CADM2: variants seen among roughly 807,000 people sequenced by gnomAD.
The protein encoded by CADM2 is immunoglobulin superfamily member 4D.
Under a neutral mutation model 49.8 loss-of-function variants are expected in CADM2, and 12 were observed. The observed-to-expected ratio is 0.24, with a 90% CI of 0.15 to 0.39. The LOEUF is 0.39. Ranked by LOEUF, CADM2 falls within the 10% of genes least tolerant of loss-of-function variation. The pLI is 1.00. For synonymous variants in CADM2, 214 were observed against 175.4 expected, an observed-to-expected ratio of 1.22 and a Z score of -1.74; for missense variants, 378 against 492.3, an observed-to-expected ratio of 0.77 and a Z score of 2.20.
intron 1 of CADM2, among the ~76,000 whole-genome samples, chr3:85,340,081 G>A (rs1188781242): frequency 6.6e-6 from 1 of 151,304 alleles, no homozygotes; most frequent in Non-Finnish European, 1.5e-5. Context: ...TGAAAAGCAT[G>A]TGAATATTTT....
In CADM2 at chr3:85,742,398, T is replaced by G. The variant is rs143440890; in HGVS notation, c.88+15850T>G. Among the ~76,000 whole-genome samples the G allele has an allele frequency of 7.9e-4, 120 of 152,330 alleles. 1 individual carries two copies. The highest frequency in any genetic ancestry group is 2.8e-3 in the African/African-American group (118 of 41,578). Reference sequence around the variant, plus strand: ...TAAAGACATATTCTAAATAGGTCACTCACTGTCATGATCTGGTTGTGTCTG... The same window carrying G: ...TAAAGACATATTCTAAATAGGTCACGCACTGTCATGATCTGGTTGTGTCTG... On this transcript the variant is annotated intron_variant, in intron 2 of 9. Coordinates refer to ENST00000383699, the MANE Select transcript of CADM2 (RefSeq NM_001167675.2).
rs145473940 is a variant in CADM2, at chr3:85,750,664, A to G, written c.88+24116A>G. On this transcript the variant is annotated intron_variant, in intron 2 of 9. Transcript: ENST00000383699. ...TCTTTAGTGGGGCATTTTTATTAAA[A>G]TGAGTAAGAAATATATCAAGTGCCA... is the stretch of plus-strand genomic sequence containing the variant. Among the ~76,000 whole-genome samples, 521 of 152,246 alleles carry G rather than the reference A, an allele frequency of 3.4e-3. 1 individual carries two copies. The highest frequency in any genetic ancestry group is 0.01 in the Middle Eastern group (3 of 294).
At chr3:85,629,820 C>G (rs2064250948) in intron 1 of CADM2, among the ~76,000 whole-genome samples, 1 of 151,962 alleles carries the variant, frequency 6.6e-6, no homozygotes, top group Admixed American at 6.6e-5. Context: ...ACAAAATTGA[C>G]TAGAAATGAG....
At chr3:85,289,958 C>A (rs377636295) in intron 1 of CADM2, among the ~76,000 whole-genome samples, 1 of 152,146 alleles carries the variant, frequency 6.6e-6, no homozygotes, top group Non-Finnish European at 1.5e-5. Flanking sequence ...TGAATAGGAA[C>A]AGCTCCAGTC....
chr3:85,059,163 C>T (rs560769142), intron 1 of CADM2, among the ~76,000 whole-genome samples: 362 of 151,746 alleles, frequency 2.4e-3, no homozygotes, highest in African/African-American at 7.5e-3. Context: ...GGCGTGAACC[C>T]GGGAGGTGGA....
intron 1 of CADM2, among the ~76,000 whole-genome samples, chr3:85,154,877 A>G (rs1446327458): frequency 6.6e-6 from 1 of 151,458 alleles, no homozygotes; most frequent in Non-Finnish European, 1.5e-5. Context: ...TACTTTACAG[A>G]CAAGCAAATG....
chr3:86,032,160 C>T (rs1457612521), intron 8 of CADM2, among the ~76,000 whole-genome samples: 1 of 150,796 alleles, frequency 6.6e-6, no homozygotes, highest in Non-Finnish European at 1.5e-5. Flanking sequence ...CATATAGACT[C>T]TTATCACAGT....
intron 1 of CADM2, among the ~76,000 whole-genome samples, chr3:85,045,630 C>T (rs142734147): frequency 4.2e-5 from 6 of 143,698 alleles, no homozygotes; most frequent in Non-Finnish European, 7.7e-5. Context: ...ACTATGCATG[C>T]GTGAGGAGAA....
At chr3:85,299,798 C>T (rs2106982248) in intron 1 of CADM2, among the ~76,000 whole-genome samples, 1 of 152,082 alleles carries the variant, frequency 6.6e-6, no homozygotes, top group Non-Finnish European at 1.5e-5. Flanking sequence ...ATGCAGGGAA[C>T]TCAGATTGTT....
At chr3:85,236,066 AT>A (rs1559736086) in intron 1 of CADM2, among the ~76,000 whole-genome samples, 1 of 151,776 alleles carries the variant, frequency 6.6e-6, no homozygotes, top group Non-Finnish European at 1.5e-5. Flanking sequence ...CCGCCTCACA[AT>A]TTTTTCCTGG....
At position 86,070,522 on chromosome 3, in the gene CADM2, C is replaced by A. The variant is rs1440008237; in HGVS notation, c.*3739C>A. 2 of 151,782 alleles carry A rather than the reference C, an allele frequency of 1.3e-5. No homozygotes were observed. Among genetic ancestry groups the A allele is most frequent in the Non-Finnish European group, 2.9e-5 (2 of 67,824 alleles). 9.4% of individuals were successfully genotyped at this position (151,782 alleles called of 1,614,324 possible). A position where few individuals can be genotyped will look rare whatever the true frequency, so the allele number is the denominator to read the frequency against. Reference sequence around the variant, plus strand: ...TTTTAATTGTGGAGAAAATGCAAAACCTCATGTCTTACCACAACTTTCCCA... The same window carrying A: ...TTTTAATTGTGGAGAAAATGCAAAAACTCATGTCTTACCACAACTTTCCCA... On this transcript the variant is annotated 3_prime_UTR_variant, in exon 10 of 10. Coordinates refer to ENST00000383699, the MANE Select transcript of CADM2 (RefSeq NM_001167675.2).
At chr3:85,559,084 A>C (rs1312467053) in intron 1 of CADM2, among the ~76,000 whole-genome samples, 2 of 152,064 alleles carry the variant, frequency 1.3e-5, no homozygotes, top group Non-Finnish European at 2.9e-5. Context: ...AATACCTCTC[A>C]AGTGGCTTGA....
At chr3:85,784,160 AG>A (rs2070827438) in intron 2 of CADM2, among the ~76,000 whole-genome samples, 1 of 152,228 alleles carries the variant, frequency 6.6e-6, no homozygotes, top group East Asian at 1.9e-4. Flanking sequence ...CCCAATAACC[AG>A]AACACTTGGA....
chr3:85,205,176 C>T (rs2041602594), intron 1 of CADM2, among the ~76,000 whole-genome samples: 1 of 149,708 alleles, frequency 6.7e-6, no homozygotes, highest in African/African-American at 2.5e-5. Context: ...TGCCACCGTG[C>T]CTGGTTAATT....
intron 2 of CADM2, among the ~76,000 whole-genome samples, chr3:85,762,613 C>CTCTCTCTGTCTG (rs1553682286): frequency 6.8e-6 from 1 of 147,978 alleles, no homozygotes; most frequent in Non-Finnish European, 1.5e-5. Flanking sequence ...CTCTCTCTCT[C>CTCTCTCTGTCTG]TCTCTCTCTG....
intron 8 of CADM2, among the ~76,000 whole-genome samples, chr3:85,967,441 T>A (rs1410477253): frequency 3.3e-5 from 5 of 151,650 alleles, no homozygotes; most frequent in Non-Finnish European, 7.4e-5. Context: ...AATATATATG[T>A]CAGTGAATGC....
chr3:85,951,131 C>A (rs1472339155), intron 7 of CADM2, among the ~76,000 whole-genome samples: 1 of 151,012 alleles, frequency 6.6e-6, no homozygotes, highest in Non-Finnish European at 1.5e-5. Context: ...ATGGGCAATG[C>A]CATCTCAATA....
At chr3:85,207,286 A>T (rs1001045071) in intron 1 of CADM2, among the ~76,000 whole-genome samples, 7 of 152,188 alleles carry the variant, frequency 4.6e-5, no homozygotes, top group African/African-American at 1.4e-4. Context: ...AATCTCTCAG[A>T]AAACGGATAA....
intron 1 of CADM2, among the ~76,000 whole-genome samples, chr3:85,427,487 A>G (rs747890396): frequency 6.0e-4 from 91 of 152,118 alleles, no homozygotes; most frequent in Non-Finnish European, 7.4e-5. Context: ...CAATCCATAT[A>G]ATAGTCTAAA....
Sources: allele counts gnomAD v4.1 joint callset (sites outside exome capture counted in the v4.1 genomes callset), GRCh38; gene constraint gnomAD v4.1.1; transcripts MANE v1.5; gene names NCBI Gene and HGNC (gene_info 2026-07-23, HGNC 2026-07-21).